COL5A1: variants seen among roughly 807,000 people sequenced by gnomAD.
COL5A1 encodes the protein collagen alpha-1(V) chain.
COL5A1 carries 16 observed loss-of-function variants against 263.7 expected under a neutral mutation model. The ratio of observed to expected loss-of-function variants is 0.06; its 90% CI spans 0.04 to 0.09. The LOEUF (loss-of-function observed/expected upper bound fraction) is 0.09. Ranked by LOEUF, COL5A1 falls within the 10% of genes least tolerant of loss-of-function variation. COL5A1 has a pLI of 1.00. For synonymous variants in COL5A1, 1,012 were observed against 1,004.5 expected, an observed-to-expected ratio of 1.01 and a Z score of -0.14; for missense variants, 2,036 against 2,540.5, an observed-to-expected ratio of 0.80 and a Z score of 4.27.
rs1202888435 is a variant in COL5A1, at chr9:134,826,710, G to T, written c.5067+806G>T. ...TGGGTGCGTGTGGCTGGTATGTGGG[G>T]GTGTGTGGGTGGTGTGTGGGTGTGT... On this transcript the variant is annotated intron_variant, in intron 63 of 65. Coordinates refer to ENST00000371817, the MANE Select transcript of COL5A1 (RefSeq NM_000093.5). Among the ~76,000 whole-genome samples the T allele has an allele frequency of 8.9e-5, 6 of 67,702 alleles. No individual in the cohort carries two copies. In the East Asian group the frequency reaches 3.1e-3, roughly 34 times the overall value. 44.4% of individuals were successfully genotyped at this position (67,702 alleles called of 152,430 possible). A position where few individuals can be genotyped will look rare whatever the true frequency, so the allele number is the denominator to read the frequency against.
chr9:134,817,668 C>G (rs968742439), intron 53 of COL5A1, 110 bp from the exon 54 acceptor site: 16 of 1,007,122 alleles, frequency 1.6e-5, no homozygotes, highest in Non-Finnish European at 2.1e-5. Flanking sequence ...GAGCTCGTCC[C>G]TCTGCCCCTG....
At chr9:134,721,640 C>T (rs117655025) in intron 4 of COL5A1, among the ~76,000 whole-genome samples, 3,950 of 152,334 alleles carry the variant, frequency 0.026, 67 homozygotes, top group Non-Finnish European at 0.041. Flanking sequence ...GCTCCTCCTC[C>T]GCCCAGTCCT....
chr9:134,730,605 C>T lies in COL5A1; in HGVS notation c.1164+130C>T, dbSNP rs895965000. ...GTCCTCGGGTGGCCCCTGTGTTCCACCACACCCTGGCCCTGGGCCCTTTGC... is the reference window on the plus strand; with the variant it reads ...GTCCTCGGGTGGCCCCTGTGTTCCATCACACCCTGGCCCTGGGCCCTTTGC... On this transcript the variant is annotated intron_variant, in intron 7 of 65. Coordinates refer to ENST00000371817, the MANE Select transcript of COL5A1 (RefSeq NM_000093.5). The T allele has an allele frequency of 5.3e-6, 7 of 1,316,260 alleles. No homozygotes were observed. The South Asian group carries it at 7.3e-5, about 14-fold the overall frequency. The allele number at this position is 1,316,260 out of a possible 1,614,324, so 81.5% of individuals were successfully genotyped here. A position where few individuals can be genotyped will look rare whatever the true frequency, so the allele number is the denominator to read the frequency against.
intron 27 of COL5A1, among the ~76,000 whole-genome samples, chr9:134,779,504 A>G (rs1481106843): frequency 6.6e-6 from 1 of 152,194 alleles, no homozygotes; most frequent in African/African-American, 2.4e-5. Flanking sequence ...GTTGAAATAC[A>G]TGGCACTGGG....
At chr9:134,829,909 TG>T in intron 63 of COL5A1, 66 bp from the exon 64 acceptor site, 1 of 1,536,742 alleles carries the variant, frequency 6.5e-7, no homozygotes, top group Non-Finnish European at 8.9e-7. Flanking sequence ...GGCCTTGCTC[TG>T]GAGGCCGGAG....
rs530562094 is a variant in COL5A1, at chr9:134,754,137, G to A, written c.1774-136G>A. On this transcript the variant is annotated intron_variant, in intron 15 of 65. Transcript: ENST00000371817. This position sits in a 1 kb window ranked among gnomAD's most constrained non-coding sequence, Gnocchi z 4.3. ...ATTCTGGGCAGCAGATCCGTGTCCC[G>A]TCCCCGAAGTGCCCACATGTTTGTG... 96 of 945,742 alleles carry A rather than the reference G, an allele frequency of 1.0e-4. 1 individual carries two copies. Among genetic ancestry groups the A allele is most frequent in the Admixed American group, 5.5e-4 (29 of 52,786 alleles). The allele number at this position is 945,742 out of a possible 1,614,324, so 58.6% of individuals were successfully genotyped here. A position where few individuals can be genotyped will look rare whatever the true frequency, so the allele number is the denominator to read the frequency against.
In COL5A1 at chr9:134,842,311, C is replaced by G. The variant is rs375921390; in HGVS notation, c.*8C>G. The G allele has an allele frequency of 6.2e-7, 1 of 1,613,990 alleles. No individual in the cohort carries two copies. Among genetic ancestry groups the G allele is most frequent in the South Asian group, 1.1e-5 (1 of 91,072 alleles). On this transcript the variant is annotated 3_prime_UTR_variant, in exon 66 of 66. Transcript: ENST00000371817. This position sits in a 1 kb window ranked among gnomAD's most constrained non-coding sequence, Gnocchi z 5.8. The stretch of plus-strand genomic sequence containing the variant: ...GCTTGCTTCATGGGCTAGGAGCCGC[C>G]GAGCCCGGGCTCCCGAGAGCAACCT...
intron 1 of COL5A1, among the ~76,000 whole-genome samples, chr9:134,654,249 G>C (rs1434248907): frequency 7.2e-6 from 1 of 138,704 alleles, no homozygotes; most frequent in Non-Finnish European, 1.6e-5. Context: ...AGGGCTGGGG[G>C]TGTTTTGGGC....
chr9:134,812,388 TG>T, intron 46 of COL5A1, 60 bp from the exon 47 acceptor site: 2 of 1,547,074 alleles, frequency 1.3e-6, no homozygotes, highest in Non-Finnish European at 1.8e-6. Flanking sequence ...GTGAAAGCTG[TG>T]TGTGTGTTTG....
intron 12 of COL5A1, 36 bp downstream of exon 12, chr9:134,750,652 CTGGGGCAGG>C: frequency 6.2e-7 from 1 of 1,608,016 alleles, no homozygotes; most frequent in South Asian, 1.1e-5. Flanking sequence ...GGGGAGGCAG[CTGGGGCAGG>C]TGGGATCCAA....
intron 27 of COL5A1, among the ~76,000 whole-genome samples, chr9:134,778,894 G>A (rs1837154814): frequency 6.6e-6 from 1 of 152,266 alleles, no homozygotes; most frequent in South Asian, 2.1e-4. Flanking sequence ...GCACTGGAGT[G>A]GAAGGCGTTT....
In COL5A1 at chr9:134,842,181, G is replaced by C. The variant is rs863223463; in HGVS notation, c.5395G>C (p.Val1799Leu). The C allele has an allele frequency of 3.7e-6, 6 of 1,613,946 alleles. No individual in the cohort carries two copies. In the Admixed American group the frequency reaches 1.0e-4, roughly 27 times the overall value. The change falls in exon 66 of 66, where the codon GTT (valine) becomes CTT (leucine). Residue 1799 changes from valine to leucine, a missense_variant. Val to Leu is a conservative substitution (Grantham distance 32). This residue lies in a region of COL5A1 where 358 missense variants were observed against 384.6 expected (regional missense o/e 0.93). Coordinates refer to ENST00000371817, the MANE Select transcript of COL5A1 (RefSeq NM_000093.5). The surrounding 1 kb of genome is among the most constrained non-coding windows in gnomAD (Gnocchi z 5.8). ...CATKKGYQKT[V>L]LEIDTPKVEQ... ...GACCAAGAAAGGCTACCAGAAGACG[G>C]TTCTGGAGATCGACACCCCCAAAGT...
intron 9 of COL5A1, among the ~76,000 whole-genome samples, chr9:134,737,111 G>A (rs1835128664): frequency 6.6e-6 from 1 of 152,232 alleles, no homozygotes; most frequent in African/African-American, 2.4e-5. Context: ...AGATCCACCA[G>A]GCGTCATCCC....
intron 31 of COL5A1, 40 bp downstream of exon 31, chr9:134,786,088 G>A (rs766376599): frequency 6.4e-7 from 1 of 1,556,528 alleles, no homozygotes; most frequent in Admixed American, 1.8e-5. Flanking sequence ...GACAGGCGGA[G>A]GGATGTTCTG....
intron 65 of COL5A1, 37 bp downstream of exon 65, chr9:134,835,241 C>A (rs1055951803): frequency 6.4e-7 from 1 of 1,573,178 alleles, no homozygotes; most frequent in South Asian, 1.1e-5. Flanking sequence ...CCCCTGCTCA[C>A]GCCTCCGTGG....
intron 6 of COL5A1, 113 bp downstream of exon 6, chr9:134,728,920 A>G (rs1280663432): frequency 2.8e-6 from 4 of 1,404,482 alleles, no homozygotes; most frequent in Non-Finnish European, 4.0e-6. Flanking sequence ...CTGTCTGGTG[A>G]AGGTTGCGGG....
At chr9:134,829,889 G>A in intron 63 of COL5A1, 87 bp from the exon 64 acceptor site, 1 of 1,456,934 alleles carries the variant, frequency 6.9e-7, no homozygotes, top group African/African-American at 1.4e-5. Flanking sequence ...CGGGGGCCGG[G>A]AAAGCCTGGG....
rs1337662022 is a variant in COL5A1 at position 134,681,514 on chromosome 9, GC to G, written c.110-9396del. Among the ~76,000 whole-genome samples, 1 of 152,214 alleles carries G rather than the reference GC, an allele frequency of 6.6e-6. No homozygotes were observed. The highest frequency in any genetic ancestry group is 6.5e-5 in the Admixed American group (1 of 15,278). ...CACGGGTGGGACCGGAATGGAGGCT[GC>G]CAGCTGTGTCTGGAGAGGCCAGCGT... On this transcript the variant is annotated intron_variant, in intron 1 of 65. Transcript: ENST00000371817. This position sits in a 1 kb window ranked among gnomAD's most constrained non-coding sequence, Gnocchi z 4.3.
chr9:134,722,633 CAT>C (rs1191812396), intron 4 of COL5A1, among the ~76,000 whole-genome samples: 1 of 152,228 alleles, frequency 6.6e-6, no homozygotes, highest in African/African-American at 2.4e-5. Flanking sequence ...CTTTGGAGAA[CAT>C]ATATTCAGAT....
Sources: allele counts gnomAD v4.1 joint callset (sites outside exome capture counted in the v4.1 genomes callset), GRCh38; gene constraint gnomAD v4.1.1; regional missense constraint gnomAD v4.1.1; non-coding constraint Gnocchi (gnomAD v3.1); transcripts MANE v1.5; gene names NCBI Gene and HGNC (gene_info 2026-07-23, HGNC 2026-07-21).